Variants in SAMD12 observed in about 807,000 individuals in gnomAD.
SAMD12 encodes sterile alpha motif domain containing 12.
SAMD12 carries 9 observed loss-of-function variants against 15.0 expected under a neutral mutation model. The observed-to-expected ratio is 0.60, with a 90% CI of 0.36 to 1.05. The LOEUF (loss-of-function observed/expected upper bound fraction) is 1.05. Ranked by LOEUF, SAMD12 falls within the 50% of genes least tolerant of loss-of-function variation. The probability of loss-of-function intolerance (pLI) is 0.01; values close to 1 mark genes in which losing one functional copy is unlikely to be tolerated. For synonymous variants in SAMD12, 86 were observed against 90.1 expected (o/e 0.96, Z 0.25); for missense variants, 230 against 234.2 (o/e 0.98, Z 0.12).
intron 2 of SAMD12, among the ~76,000 whole-genome samples, chr8:118,501,142 C>G (rs955293349): frequency 7.9e-5 from 12 of 152,192 alleles, no homozygotes; most frequent in African/African-American, 2.9e-4. Context: ...ATGAGCTGTT[C>G]TATTCAGTGT....
intron 3 of SAMD12, among the ~76,000 whole-genome samples, chr8:118,392,323 C>T (rs1436081330): frequency 2.0e-5 from 3 of 152,056 alleles, no homozygotes; most frequent in East Asian, 1.9e-4. Context: ...CCCAGCTACT[C>T]GGGAGGCCGA....
the SAMD12 span, among the ~76,000 whole-genome samples, chr8:118,147,443 C>G: frequency 6.6e-6 from 1 of 151,786 alleles, no homozygotes; most frequent in Non-Finnish European, 1.5e-5. Flanking sequence ...TCACTGCAAC[C>G]TGCGCCTCCC....
chr8:118,503,739 G>A (rs1030174759), intron 2 of SAMD12, among the ~76,000 whole-genome samples: 3 of 152,096 alleles, frequency 2.0e-5, no homozygotes, highest in South Asian at 2.1e-4. Flanking sequence ...CATTTTCTCT[G>A]TCAATCCTCT....
chr8:118,255,342 CTTTAT>C lies in SAMD12; in HGVS notation c.434-57615_434-57611del, dbSNP rs537481490. ...CTGGGGACAGCTGCTATTAACATTT[CTTTAT>C]TTTATTTTATTTTATTATTATTATA... On this transcript the variant is annotated intron_variant, in intron 4 of 4. Coordinates refer to the SAMD12 transcript ENST00000409003. Among the ~76,000 whole-genome samples the C allele has an allele frequency of 4.5e-3, 679 of 151,790 alleles. 5 individuals are homozygous for C. Among genetic ancestry groups the C allele is most frequent in the Middle Eastern group, 6.8e-3 (2 of 294 alleles).
rs191702978 is a variant in SAMD12, at chr8:118,500,636, T to C, written c.193-60675A>G. On this transcript the variant is annotated intron_variant, in intron 2 of 3. Coordinates refer to ENST00000314727, the MANE Select transcript of SAMD12 (RefSeq NM_207506.3). Reference sequence around the variant, plus strand: ...GCCCGGTTACCATATTGAAACACCGTCTCTACTAAAAATACAAAAATTAGC... The same window carrying C: ...GCCCGGTTACCATATTGAAACACCGCCTCTACTAAAAATACAAAAATTAGC... Among the ~76,000 whole-genome samples, 96 of 151,946 alleles carry C rather than the reference T, an allele frequency of 6.3e-4. 1 individual carries two copies. Among genetic ancestry groups the C allele is most frequent in the African/African-American group, 2.3e-3 (94 of 41,478 alleles).
rs548761368 is a variant in SAMD12 at position 118,369,298 on chromosome 8, G to T, written c.433+10262C>A. ...TCTTTGACAAACCTGACAAAAACAA[G>T]CAATGGGGAAAGGATTCCCTATTTA... On this transcript the variant is annotated intron_variant, in intron 4 of 4. Transcript: ENST00000409003. 5.3e-5 allele frequency among the ~76,000 whole-genome samples: 8 copies of T among 152,254 alleles called. No homozygotes were observed. In the East Asian group the frequency reaches 1.5e-3, roughly 29 times the overall value.
intron 4 of SAMD12, among the ~76,000 whole-genome samples, chr8:118,341,417 T>C (rs1159890085): frequency 6.6e-6 from 1 of 152,236 alleles, no homozygotes; most frequent in South Asian, 2.1e-4. Context: ...ATCTTTAATA[T>C]GCCATAGTCT....
At chr8:118,562,911 T>C (rs1157790160) in intron 2 of SAMD12, among the ~76,000 whole-genome samples, 2 of 152,004 alleles carry the variant, frequency 1.3e-5, no homozygotes, top group East Asian at 3.9e-4. Context: ...GGAGCTGTCA[T>C]CTTCATGGAG....
chr8:118,478,581 T>C (rs1482913859), intron 2 of SAMD12, among the ~76,000 whole-genome samples: 3 of 152,368 alleles, frequency 2.0e-5, no homozygotes, highest in South Asian at 4.1e-4. Context: ...TTCAGGGTTG[T>C]GGCAAGCGAG....
chr8:118,547,013 T>A (rs775026658), intron 2 of SAMD12, among the ~76,000 whole-genome samples: 1 of 152,230 alleles, frequency 6.6e-6, no homozygotes, highest in Non-Finnish European at 1.5e-5. Flanking sequence ...TGAAAAAGAA[T>A]GTTTACAGAA....
At chr8:118,227,259 G>T (rs972140055) in intron 4 of SAMD12, among the ~76,000 whole-genome samples, 1 of 152,060 alleles carries the variant, frequency 6.6e-6, no homozygotes, top group African/African-American at 2.4e-5. Context: ...GCAAACTGAC[G>T]CAGGAACAGA....
chr8:118,365,744 G>C (rs1310166431), intron 4 of SAMD12, among the ~76,000 whole-genome samples: 1 of 151,980 alleles, frequency 6.6e-6, no homozygotes, highest in East Asian at 1.9e-4. Context: ...GTTTCTCTCT[G>C]AAGAACCCTA....
intron 2 of SAMD12, among the ~76,000 whole-genome samples, chr8:118,445,642 G>A (rs530249007): frequency 5.9e-5 from 9 of 152,244 alleles, no homozygotes; most frequent in South Asian, 2.1e-4. Context: ...CTCCAAAATA[G>A]ACTTGAACCT....
At chr8:118,486,780 A>G (rs1824300716) in intron 2 of SAMD12, among the ~76,000 whole-genome samples, 1 of 152,202 alleles carries the variant, frequency 6.6e-6, no homozygotes, top group African/African-American at 2.4e-5. Flanking sequence ...TAAGGAAAGC[A>G]ACAAGGGGAG....
chr8:118,548,909 G>A lies in SAMD12; in HGVS notation c.192+31806C>T, dbSNP rs556184316. ...CTGGCTTGGAGGGTCCTACGCCCAC[G>A]GAGTCTCCCTGATTGCTAGCACAGC... On this transcript the variant is annotated intron_variant, in intron 2 of 3. Transcript: ENST00000314727. Among the ~76,000 whole-genome samples the A allele has an allele frequency of 1.9e-4, 29 of 152,366 alleles. No homozygotes were observed. The South Asian group carries it at 3.5e-3, about 19-fold the overall frequency.
At chr8:118,377,627 A>G (rs1004504720), downstream of SAMD12, among the ~76,000 whole-genome samples, 1 of 152,194 alleles carries the variant, frequency 6.6e-6, no homozygotes, top group African/African-American at 2.4e-5. Context: ...ATGTATATTT[A>G]GCTTAATAGA....
rs1264069415 is a variant in SAMD12, at chr8:118,470,950, T to C, written c.193-30989A>G. Among the ~76,000 whole-genome samples the C allele has an allele frequency of 3.9e-5, 6 of 152,350 alleles. No homozygotes were observed. In the East Asian group the frequency reaches 7.7e-4, roughly 20 times the overall value. On this transcript the variant is annotated intron_variant, in intron 2 of 3. Coordinates refer to ENST00000314727, the MANE Select transcript of SAMD12 (RefSeq NM_207506.3). ...TACAACTAAGACAGAAAAAGAATGA[T>C]GCTAAATAAACTATGTCACACAATG...
chr8:118,223,638 G>A (rs1812127654), intron 4 of SAMD12, among the ~76,000 whole-genome samples: 1 of 152,214 alleles, frequency 6.6e-6, no homozygotes, highest in South Asian at 2.1e-4. Context: ...ATTCCTTGCG[G>A]GATGGAAAAG....
At chr8:118,172,802 C>A in the SAMD12 span, among the ~76,000 whole-genome samples, 1 of 152,082 alleles carries the variant, frequency 6.6e-6, no homozygotes, top group East Asian at 1.9e-4. Flanking sequence ...TTTCTGTATA[C>A]AATATAGTTT....
Sources: allele counts gnomAD v4.1 joint callset (sites outside exome capture counted in the v4.1 genomes callset), GRCh38; gene constraint gnomAD v4.1.1; transcripts MANE v1.5; gene names NCBI Gene and HGNC (gene_info 2026-07-23, HGNC 2026-07-21).